PPP1R1C: variants seen among roughly 807,000 people sequenced by gnomAD.
PPP1R1C encodes protein phosphatase 1 regulatory inhibitor subunit 1C, also known as protein phosphatase 1 regulatory subunit 1C.
PPP1R1C carries 15 observed loss-of-function variants against 17.4 expected under a neutral mutation model. The observed-to-expected ratio is 0.86, with a 90% CI of 0.58 to 1.33. The LOEUF is 1.33. PPP1R1C is among the 40% of genes most tolerant of loss of function. PPP1R1C has a pLI of 0.00. For missense variants in PPP1R1C, 143 were observed against 130.0 expected (o/e 1.10, Z -0.48); for synonymous variants, 35 against 43.1 (o/e 0.81, Z 0.73).
chr2:182,126,352 GTGA>G (rs1426461833), intron 5 of PPP1R1C, among the ~76,000 whole-genome samples: 1 of 151,976 alleles, frequency 6.6e-6, no homozygotes, highest in Non-Finnish European at 1.5e-5. Context: ...TTCTAACTCA[GTGA>G]TTCCAAAAAC....
chr2:182,129,138 A>G (rs188336451), exon 6 of PPP1R1C: 1 of 152,162 alleles, frequency 6.6e-6, no homozygotes, highest in African/African-American at 2.4e-5. Flanking sequence ...TATTTTATAC[A>G]TAAGTATTGA....
At chr2:182,063,173 G>A (rs1216910337) in intron 3 of PPP1R1C, among the ~76,000 whole-genome samples, 1 of 151,782 alleles carries the variant, frequency 6.6e-6, no homozygotes, top group African/African-American at 2.4e-5. Flanking sequence ...GTTTTATTAG[G>A]AAAGGACTTA....
chr2:182,029,090 T>C (rs1686723642), intron 2 of PPP1R1C, among the ~76,000 whole-genome samples: 1 of 142,826 alleles, frequency 7.0e-6, no homozygotes, highest in Non-Finnish European at 1.5e-5. Context: ...TCCTTTTATT[T>C]TGAGCCTATG....
intron 2 of PPP1R1C, among the ~76,000 whole-genome samples, chr2:182,042,269 A>G (rs1687208391): frequency 1.3e-5 from 2 of 152,252 alleles, no homozygotes; most frequent in Admixed American, 1.3e-4. Flanking sequence ...GTATTATTTC[A>G]TGTCACAGAT....
At chr2:182,124,332 T>TTTTTTG (rs1689818616) in intron 5 of PPP1R1C, among the ~76,000 whole-genome samples, 1 of 142,738 alleles carries the variant, frequency 7.0e-6, no homozygotes, top group Non-Finnish European at 1.5e-5. Context: ...TTTTTGTTTT[T>TTTTTTG]TTTTTTGTTT....
intron 4 of PPP1R1C, among the ~76,000 whole-genome samples, chr2:182,073,202 A>C (rs1360681677): frequency 1.1e-4 from 16 of 151,942 alleles, no homozygotes; most frequent in Admixed American, 1.0e-3. Flanking sequence ...AATGCATTTT[A>C]TATACCTATA....
At chr2:182,121,402 T>A (rs1174554230), downstream of PPP1R1C, among the ~76,000 whole-genome samples, 2 of 152,150 alleles carry the variant, frequency 1.3e-5, no homozygotes, top group Admixed American at 1.3e-4. Flanking sequence ...TCAGAGGCCT[T>A]CTATCTTAAC....
chr2:182,004,896 C>T (rs1391960466), intron 2 of PPP1R1C, among the ~76,000 whole-genome samples: 1 of 152,086 alleles, frequency 6.6e-6, no homozygotes, highest in Non-Finnish European at 1.5e-5. Flanking sequence ...GCTATAGATG[C>T]TGGGGCCTTT....
chr2:182,082,642 T>C (rs982693915), intron 4 of PPP1R1C, among the ~76,000 whole-genome samples: 7 of 152,172 alleles, frequency 4.6e-5, no homozygotes, highest in Non-Finnish European at 7.4e-5. Flanking sequence ...ACTGAATATA[T>C]GTTGATTATT....
chr2:182,086,635 C>T (rs1414555333), intron 4 of PPP1R1C, among the ~76,000 whole-genome samples: 12 of 152,036 alleles, frequency 7.9e-5, no homozygotes, highest in Middle Eastern at 3.4e-3. Flanking sequence ...ATAGAGAAAA[C>T]GGAAGAAAAT....
At chr2:182,095,329 A>G (rs531773024) in intron 4 of PPP1R1C, among the ~76,000 whole-genome samples, 234 of 152,142 alleles carry the variant, frequency 1.5e-3, no homozygotes, top group African/African-American at 5.4e-3. Context: ...AAGGAGTGAC[A>G]TGGTTTACTT....
At chr2:182,129,549 T>G (rs1689955307) in exon 6 of PPP1R1C, 1 of 152,050 alleles carries the variant, frequency 6.6e-6, no homozygotes, top group Non-Finnish European at 1.5e-5. Flanking sequence ...ATCCTGCTAG[T>G]AAAGATTTAT....
At chr2:182,114,143 C>T (rs1240703153) in intron 4 of PPP1R1C, among the ~76,000 whole-genome samples, 12 of 152,086 alleles carry the variant, frequency 7.9e-5, no homozygotes, top group Non-Finnish European at 1.3e-4. Flanking sequence ...CATTTTGCTT[C>T]GAAGAAAAGA....
At chr2:182,106,522 A>G (rs1392269879) in intron 4 of PPP1R1C, among the ~76,000 whole-genome samples, 1 of 152,042 alleles carries the variant, frequency 6.6e-6, no homozygotes, top group Non-Finnish European at 1.5e-5. Context: ...TCACCTTCCC[A>G]CTCCATCCCA....
intron 2 of PPP1R1C, among the ~76,000 whole-genome samples, chr2:182,038,214 GT>G (rs1363277569): frequency 6.6e-6 from 1 of 151,792 alleles, no homozygotes; most frequent in Non-Finnish European, 1.5e-5. Flanking sequence ...ATGTTTTGTG[GT>G]TTTTGTAGAT....
At chr2:181,988,246 A>C (rs1261338645) in intron 2 of PPP1R1C, among the ~76,000 whole-genome samples, 3 of 152,262 alleles carry the variant, frequency 2.0e-5, no homozygotes, top group Admixed American at 1.3e-4. Context: ...AGCTCAAATT[A>C]CAGCCCTAGA....
chr2:181,961,346 TG>T lies in PPP1R1C; in HGVS notation n.111+6714del, dbSNP rs1684780346. ...TCATCATCAAGCAGGCGGTGGTAGG[TG>T]GCGCTCTCAGCCTCCAGCTTGACCT... On this transcript the variant is annotated intron_variant and non_coding_transcript_variant, in intron 1 of 5. Transcript: ENST00000464264. This position sits in a 1 kb window ranked among gnomAD's most constrained non-coding sequence, Gnocchi z 5.8. 4.2e-6 allele frequency: 3 copies of T among 717,530 alleles called. No individual in the cohort carries two copies. Among genetic ancestry groups the T allele is most frequent in the Admixed American group, 1.9e-5 (1 of 51,544 alleles). 44.4% of individuals were successfully genotyped at this position (717,530 alleles called of 1,614,324 possible). A position where few individuals can be genotyped will look rare whatever the true frequency, so the allele number is the denominator to read the frequency against.
At chr2:182,086,329 T>G (rs1688627872) in intron 4 of PPP1R1C, among the ~76,000 whole-genome samples, 2 of 152,156 alleles carry the variant, frequency 1.3e-5, no homozygotes, top group Admixed American at 1.3e-4. Flanking sequence ...CATTTATAAT[T>G]GAAAAAATAT....
chr2:182,105,564 C>A (rs1689220471), intron 4 of PPP1R1C, among the ~76,000 whole-genome samples: 1 of 151,906 alleles, frequency 6.6e-6, no homozygotes, highest in African/African-American at 2.4e-5. Flanking sequence ...TTGGTGGAGA[C>A]TGAAGTCTTC....
Sources: allele counts gnomAD v4.1 joint callset (sites outside exome capture counted in the v4.1 genomes callset), GRCh38; gene constraint gnomAD v4.1.1; non-coding constraint Gnocchi (gnomAD v3.1); transcripts MANE v1.5; gene names NCBI Gene and HGNC (gene_info 2026-07-23, HGNC 2026-07-21).